The following SLCO1B1 variants were observed in gnomAD, a reference collection of about 807,000 sequenced individuals.
The protein encoded by SLCO1B1 is OATP-2.
SLCO1B1 carries 81 observed loss-of-function variants against 70.1 expected under a neutral mutation model. That is an observed-to-expected ratio of 1.16 (90% CI 0.97 to 1.39). The LOEUF (loss-of-function observed/expected upper bound fraction) is 1.39. SLCO1B1 is among the 40% of genes most tolerant of loss of function. The pLI is 0.00. For missense variants in SLCO1B1, 895 were observed against 799.6 expected (o/e 1.12, Z -1.44); for synonymous variants, 283 against 271.5 (o/e 1.04, Z -0.42).
intron 2 of SLCO1B1, among the ~76,000 whole-genome samples, chr12:21,152,062 T>C (rs1940477630): frequency 6.6e-6 from 1 of 152,096 alleles, no homozygotes; most frequent in South Asian, 2.1e-4. Flanking sequence ...TGATACTTTG[T>C]TCTGATTTTT....
chr12:21,164,759 T>A (rs1037013525), intron 2 of SLCO1B1: 47 of 459,598 alleles, frequency 1.0e-4, no homozygotes, highest in Non-Finnish European at 1.9e-4. Flanking sequence ...TAAGCTTCTA[T>A]AATCAACTGA....
rs1242738724 is a variant in SLCO1B1 at position 21,180,683 on chromosome 12, A to G, written c.727+1663A>G. 1.3e-5 allele frequency among the ~76,000 whole-genome samples: 2 copies of G among 152,162 alleles called. 1 individual carries two copies. The highest frequency in any genetic ancestry group is 1.3e-4 in the Admixed American group (2 of 15,262). On this transcript the variant is annotated intron_variant, in intron 7 of 14. Coordinates refer to ENST00000256958, the MANE Select transcript of SLCO1B1 (RefSeq NM_006446.5). The stretch of plus-strand genomic sequence containing the variant: ...GCTAATCTAAAACTATAAAGAAAAT[A>G]CTTGATAAAATGTTTTACATGTTCA...
intron 2 of SLCO1B1, among the ~76,000 whole-genome samples, chr12:21,151,385 C>G (rs1940468870): frequency 6.6e-6 from 1 of 152,144 alleles, no homozygotes; most frequent in African/African-American, 2.4e-5. Flanking sequence ...CACGTGACGT[C>G]ATACCACTTC....
chr12:21,145,768 A>G (rs2061903), intron 2 of SLCO1B1, among the ~76,000 whole-genome samples: 136,959 of 152,084 alleles, frequency 0.9, 61,971 homozygotes, highest in South Asian at 0.97. Flanking sequence ...ACTTTGTTTT[A>G]GTATTTGTCT....
chr12:21,222,361 C>G lies in SLCO1B1; in HGVS notation c.1744C>G (p.Leu582Val). 5.8e-6 allele frequency: 2 copies of G among 342,370 alleles called. No individual in the cohort carries two copies. Among genetic ancestry groups the G allele is most frequent in the Non-Finnish European group, 9.4e-6 (2 of 212,964 alleles). 21.2% of individuals were successfully genotyped at this position (342,370 alleles called of 1,614,324 possible). Residue 582 changes from leucine (L) to valine (V), a missense_variant, in exon 13 of 15, where the codon CTA becomes GTA. By Grantham distance (32) the Leu-to-Val change is conservative. Transcript: ENST00000256958. ...LGFHSMVIRA[L>V]GGILAPIYFG... The stretch of plus-strand genomic sequence containing the variant: ...TTTCCACTCAATGGTTATACGAGCA[C>G]TAGGTATGATGAAAAAAAAAAAAAA...
At chr12:21,161,188 T>C (rs1191013502) in intron 2 of SLCO1B1, among the ~76,000 whole-genome samples, 4 of 152,110 alleles carry the variant, frequency 2.6e-5, no homozygotes, top group Non-Finnish European at 5.9e-5. Context: ...TATAAATCAT[T>C]CTACTATAAA....
intron 9 of SLCO1B1, among the ~76,000 whole-genome samples, chr12:21,201,635 C>T (rs1180622863): frequency 6.6e-6 from 1 of 152,104 alleles, no homozygotes; most frequent in African/African-American, 2.4e-5. Flanking sequence ...AGGGTTAGAA[C>T]TCTATCTGAG....
At chr12:21,197,583 C>A (rs998564247) in intron 8 of SLCO1B1, among the ~76,000 whole-genome samples, 10 of 151,952 alleles carry the variant, frequency 6.6e-5, no homozygotes, top group Admixed American at 5.9e-4. Context: ...TAAAACATTA[C>A]CTCTATTTTT....
At chr12:21,145,430 G>A (rs1265705315) in intron 2 of SLCO1B1, among the ~76,000 whole-genome samples, 2 of 149,408 alleles carry the variant, frequency 1.3e-5, no homozygotes, top group Admixed American at 1.3e-4. Context: ...CTCCTGAGTA[G>A]CTGGAACTAC....
chr12:21,151,933 T>C (rs2121060442), intron 2 of SLCO1B1, among the ~76,000 whole-genome samples: 1 of 152,254 alleles, frequency 6.6e-6, no homozygotes, highest in East Asian at 1.9e-4. Flanking sequence ...TGTTGTCTGA[T>C]ACTAATTTGG....
chr12:21,181,401 A>C (rs1940895426), intron 7 of SLCO1B1, among the ~76,000 whole-genome samples: 1 of 152,196 alleles, frequency 6.6e-6, no homozygotes, highest in African/African-American at 2.4e-5. Flanking sequence ...ATGTAGATGG[A>C]GTCACTGATT....
intron 7 of SLCO1B1, among the ~76,000 whole-genome samples, chr12:21,190,404 C>G (rs1186158569): frequency 2.0e-5 from 3 of 152,170 alleles, no homozygotes; most frequent in South Asian, 4.1e-4. Flanking sequence ...ATACCTGTGT[C>G]TGAGTACTCC....
At chr12:21,173,120 C>G (rs571905545) in intron 3 of SLCO1B1, among the ~76,000 whole-genome samples, 1 of 152,140 alleles carries the variant, frequency 6.6e-6, no homozygotes, top group Non-Finnish European at 1.5e-5. Context: ...ACTTTACCTC[C>G]CCTCTCTCAA....
At chr12:21,187,278 A>G (rs1233634818) in intron 7 of SLCO1B1, among the ~76,000 whole-genome samples, 1 of 152,162 alleles carries the variant, frequency 6.6e-6, no homozygotes, top group African/African-American at 2.4e-5. Flanking sequence ...AAAGATAAAA[A>G]TCAACTGCTA....
chr12:21,210,624 A>G (rs1399038753), intron 11 of SLCO1B1, among the ~76,000 whole-genome samples: 17 of 150,234 alleles, frequency 1.1e-4, no homozygotes, highest in Admixed American at 2.0e-4. Context: ...GATGGGGATG[A>G]CATTGAATCT....
At position 21,212,977 on chromosome 12, in the gene SLCO1B1, C is replaced by A. The variant is rs1000807251; in HGVS notation, c.1498-4142C>A. ...GTGTGTCTCTGCACGTGAGATGGGT[C>A]TCCTGAATACAGCACACTGATGGGT... On this transcript the variant is annotated intron_variant, in intron 11 of 14. Transcript: ENST00000256958. Among the ~76,000 whole-genome samples, 437 of 151,730 alleles carry A rather than the reference C, an allele frequency of 2.9e-3. 1 individual carries two copies. The highest frequency in any genetic ancestry group is 9.7e-3 in the African/African-American group (400 of 41,292).
intron 2 of SLCO1B1, among the ~76,000 whole-genome samples, chr12:21,170,682 C>T (rs1940746533): frequency 6.6e-6 from 1 of 152,182 alleles, no homozygotes; most frequent in Non-Finnish European, 1.5e-5. Flanking sequence ...TGATACTCTT[C>T]TACATTTTAT....
chr12:21,161,950 G>A (rs1418916710), intron 2 of SLCO1B1, among the ~76,000 whole-genome samples: 1 of 152,028 alleles, frequency 6.6e-6, no homozygotes, highest in Non-Finnish European at 1.5e-5. Context: ...AGAGGTTGCA[G>A]TGAGCCGAGA....
At chr12:21,178,807 A>G in intron 6 of SLCO1B1, 85 bp downstream of exon 6, 1 of 1,390,834 alleles carries the variant, frequency 7.2e-7, no homozygotes, top group Admixed American at 1.7e-5. Flanking sequence ...TTATTATTTT[A>G]CCTATTAGAA....
Sources: allele counts gnomAD v4.1 joint callset (sites outside exome capture counted in the v4.1 genomes callset), GRCh38; gene constraint gnomAD v4.1.1; transcripts MANE v1.5; gene names NCBI Gene and HGNC (gene_info 2026-07-23, HGNC 2026-07-21).